ACYP2: variants seen among roughly 807,000 people sequenced by gnomAD.
ACYP2 encodes the protein acylphosphatase-2.
Under a neutral mutation model 11.2 loss-of-function variants are expected in ACYP2, and 12 were observed. The observed-to-expected ratio is 1.08, with a 90% CI of 0.69 to 1.74. The LOEUF (loss-of-function observed/expected upper bound fraction) is 1.74. ACYP2 is among the 40% of genes most tolerant of loss of function. The pLI, the probability that ACYP2 is intolerant of heterozygous loss-of-function variation, is 0.00. For synonymous variants in ACYP2, 43 were observed against 32.2 expected (o/e 1.33, Z -1.13); for missense variants, 134 against 101.9 (o/e 1.31, Z -1.35).
At chr2:54,045,406 GA>G (rs1412940352) in intron 2 of ACYP2, among the ~76,000 whole-genome samples, 2 of 152,184 alleles carry the variant, frequency 1.3e-5, no homozygotes, top group Non-Finnish European at 2.9e-5. Flanking sequence ...ATGCAGTGGG[GA>G]TACGAAACTG....
chr2:54,058,874 A>G (rs984087932), intron 4 of ACYP2, among the ~76,000 whole-genome samples: 2 of 152,114 alleles, frequency 1.3e-5, no homozygotes, highest in Non-Finnish European at 2.9e-5. Context: ...AGGGATGTTT[A>G]TCTTGGGGCA....
intron 2 of ACYP2, among the ~76,000 whole-genome samples, chr2:54,044,182 C>A (rs929661699): frequency 1.3e-5 from 2 of 152,326 alleles, no homozygotes; most frequent in African/African-American, 4.8e-5. Context: ...TCCATACACA[C>A]CACAAACAGA....
intron 2 of ACYP2, among the ~76,000 whole-genome samples, chr2:53,988,624 C>T (rs1193211772): frequency 6.6e-6 from 1 of 152,074 alleles, no homozygotes; most frequent in African/African-American, 2.4e-5. Flanking sequence ...CAGGGTTTTG[C>T]CATGTTGCCC....
rs377191588 is a variant in ACYP2, at chr2:54,304,715, C to A, written c.432C>A (p.Ser144Arg). 13 of 1,611,074 alleles carry A rather than the reference C, an allele frequency of 8.1e-6. No individual in the cohort carries two copies. The highest frequency in any genetic ancestry group is 1.3e-5 in the African/African-American group (1 of 74,738). ...AGTCCTGGCTGAGCAAGGTTGGAAG[C>A]CCTAGTTCTCGCATTGACCGCACAA... is the stretch of plus-strand genomic sequence containing the variant. The change falls in exon 7 of 7, where the codon AGC becomes AGA. Residue 144 changes from serine to arginine, a missense_variant. Coordinates refer to ENST00000607452, the MANE Select transcript of ACYP2 (RefSeq NM_001320586.2).
At chr2:54,065,818 C>T (rs1676714999) in intron 4 of ACYP2, 2 of 269,518 alleles carry the variant, frequency 7.4e-6, no homozygotes, top group Admixed American at 5.3e-5. Flanking sequence ...TTTATGCATG[C>T]TCAGCTGAAT....
chr2:54,247,428 T>C (rs920769971), intron 6 of ACYP2, among the ~76,000 whole-genome samples: 1 of 152,224 alleles, frequency 6.6e-6, no homozygotes, highest in Non-Finnish European at 1.5e-5. Flanking sequence ...GAAAGCTCAT[T>C]GGAGCTGCTG....
chr2:54,161,679 TTACAGAC>T (rs1682717305), intron 6 of ACYP2, among the ~76,000 whole-genome samples: 1 of 152,198 alleles, frequency 6.6e-6, no homozygotes, highest in Non-Finnish European at 1.5e-5. Context: ...GAAAAATAGG[TTACAGAC>T]ATTATGAAAA....
intron 6 of ACYP2, among the ~76,000 whole-genome samples, chr2:54,154,285 T>G (rs1351559529): frequency 6.6e-6 from 1 of 152,210 alleles, no homozygotes; most frequent in Non-Finnish European, 1.5e-5. Flanking sequence ...TACTTCTTTC[T>G]CTTACATAAT....
intron 6 of ACYP2, among the ~76,000 whole-genome samples, chr2:54,267,125 T>G (rs566936046): frequency 3.3e-5 from 5 of 152,328 alleles, no homozygotes; most frequent in Admixed American, 2.6e-4. Flanking sequence ...GATGCTATCT[T>G]TATCTGTTTC....
chr2:54,298,842 C>T (rs1170460076), intron 6 of ACYP2, among the ~76,000 whole-genome samples: 3 of 151,234 alleles, frequency 2.0e-5, no homozygotes, highest in African/African-American at 7.3e-5. Flanking sequence ...ACCTCTGCCT[C>T]CCAGGTTGAA....
intron 6 of ACYP2, among the ~76,000 whole-genome samples, chr2:54,196,200 C>A (rs575644950): frequency 2.6e-5 from 4 of 152,094 alleles, no homozygotes; most frequent in Admixed American, 2.6e-4. Context: ...TGATATTTAA[C>A]ATATTTTATT....
chr2:54,140,600 T>A lies in ACYP2; in HGVS notation c.404+1852T>A, dbSNP rs149452255. Among the ~76,000 whole-genome samples, 1,034 of 152,190 alleles carry A rather than the reference T, an allele frequency of 6.8e-3. 19 individuals are homozygous for A. Among genetic ancestry groups the A allele is most frequent in the African/African-American group, 0.023 (951 of 41,536 alleles). On this transcript the variant is annotated intron_variant, in intron 6 of 6. Coordinates refer to ENST00000607452, the MANE Select transcript of ACYP2 (RefSeq NM_001320586.2). ...TTGTTCAATATTTGCTTTTTAAAAA[T>A]GGGATCACGGTGTATTCCCTTCTCT...
Position 54,095,512 on chromosome 2 carries a change from G to T in ACYP2, c.277+38152G>T, listed in dbSNP as rs1227933092. ...GGACGGGGCGGCTGGCTGGGCGGGG[G>T]GCTGACCCCCCCACCTCCCTCCCGG... On this transcript the variant is annotated intron_variant, in intron 4 of 6. Transcript: ENST00000607452. 2.7e-5 allele frequency among the ~76,000 whole-genome samples: 4 copies of T among 150,406 alleles called. No homozygotes were observed. In the East Asian group the frequency reaches 8.1e-4, roughly 30 times the overall value.
intron 6 of ACYP2, among the ~76,000 whole-genome samples, chr2:54,232,146 T>C (rs551733852): frequency 1.2e-4 from 19 of 152,290 alleles, no homozygotes; most frequent in Admixed American, 1.1e-3. Flanking sequence ...ATTTTTTTCA[T>C]ATACACAACT....
At chr2:54,244,705 T>C (rs1686875456) in intron 6 of ACYP2, among the ~76,000 whole-genome samples, 1 of 152,144 alleles carries the variant, frequency 6.6e-6, no homozygotes, top group African/African-American at 2.4e-5. Context: ...TATTCTCTTT[T>C]AGAGATTTCT....
At chr2:54,230,447 C>G (rs1292419185) in intron 6 of ACYP2, among the ~76,000 whole-genome samples, 3 of 152,172 alleles carry the variant, frequency 2.0e-5, no homozygotes, top group Non-Finnish European at 4.4e-5. Context: ...GCCTCCGCCT[C>G]TTGGGTTCAA....
At chr2:54,275,305 C>T (rs1037442973) in intron 6 of ACYP2, among the ~76,000 whole-genome samples, 2 of 152,208 alleles carry the variant, frequency 1.3e-5, no homozygotes, top group African/African-American at 4.8e-5. Flanking sequence ...TTTCCAGAAA[C>T]AGCTGACTAT....
At chr2:53,996,730 T>C (rs1672591339) in intron 2 of ACYP2, among the ~76,000 whole-genome samples, 1 of 152,216 alleles carries the variant, frequency 6.6e-6, no homozygotes. Context: ...ACATCAGCTG[T>C]GCCCCTTTTG....
At chr2:54,122,129 T>C (rs930258145) in intron 4 of ACYP2, among the ~76,000 whole-genome samples, 3 of 152,228 alleles carry the variant, frequency 2.0e-5, no homozygotes, top group African/African-American at 7.2e-5. Flanking sequence ...AGGCAGCATA[T>C]AGATCACTTC....
Sources: gnomAD v4.1 joint callset for allele counts (sites outside exome capture counted in the v4.1 genomes callset) on GRCh38, gnomAD v4.1.1 for gene constraint, MANE v1.5 for transcripts, NCBI Gene and HGNC (gene_info 2026-07-23, HGNC 2026-07-21) for gene names.